Variants in DNAH14 observed in about 807,000 individuals in gnomAD.
DNAH14 encodes the protein axonemal beta dynein heavy chain 14.
In DNAH14, 478 loss-of-function variants were observed where a neutral mutation model predicts 520.9. The observed-to-expected ratio is 0.92, with a 90% CI of 0.85 to 0.99. The LOEUF is 0.99. Among genes scored for constraint, DNAH14 ranks in the 50% least tolerant of loss-of-function variants. DNAH14 has a pLI of 0.00. For missense variants in DNAH14, 4,831 were observed against 5,234.5 expected, an observed-to-expected ratio of 0.92 and a Z score of 2.38; for synonymous variants, 1,581 against 1,757.2, an observed-to-expected ratio of 0.90 and a Z score of 2.51.
Position 225,377,348 on chromosome 1 carries a change from A to G in DNAH14, c.12628A>G (p.Arg4210Gly). ...EVLGIHPEAI[R>G]SCWETQGEKF... ...CTTAGGAATACACCCAGAGGCCATC[A>G]GGAGCTGCTGGGAGACCCAGGGCGA... The change falls in exon 79 of 86, where the codon AGG becomes GGG. Residue 4210 changes from arginine to glycine, a missense_variant. Arg to Gly is a moderately radical substitution (Grantham distance 125). Transcript: ENST00000682510. The G allele has an allele frequency of 6.4e-7, 1 of 1,551,080 alleles. No homozygotes were observed.
In DNAH14 at chr1:225,270,879, G is replaced by T. The variant is rs1184246152; in HGVS notation, c.7671+13G>T. 1 of 1,545,246 alleles carries T rather than the reference G, an allele frequency of 6.5e-7. No homozygotes were observed. Among genetic ancestry groups the T allele is most frequent in the African/African-American group, 1.4e-5 (1 of 72,860 alleles). On this transcript the variant is annotated intron_variant, in intron 50 of 85. Transcript: ENST00000682510. ...TACTATTTTCCAGGTAACACATCTA[G>T]TTCATTTTCTACTGAAAAAAATTAA... is the stretch of plus-strand genomic sequence containing the variant.
At chr1:225,254,954 CAAG>C (rs2092687070) in intron 44 of DNAH14, among the ~76,000 whole-genome samples, 1 of 152,074 alleles carries the variant, frequency 6.6e-6, no homozygotes, top group African/African-American at 2.4e-5. Flanking sequence ...TGTGTTTAGA[CAAG>C]ATCTTTTGGT....
intron 39 of DNAH14, among the ~76,000 whole-genome samples, chr1:225,204,504 C>T (rs2087278516): frequency 6.6e-6 from 1 of 151,790 alleles, no homozygotes; most frequent in African/African-American, 2.4e-5. Context: ...TTAAATAGTC[C>T]TTCAGTTTAT....
chr1:225,013,883 T>A (rs896010932), intron 10 of DNAH14, among the ~76,000 whole-genome samples: 2 of 152,162 alleles, frequency 1.3e-5, no homozygotes, highest in Non-Finnish European at 2.9e-5. Flanking sequence ...GATCTTAGCT[T>A]GCTGGGCTCC....
At chr1:225,116,044 T>G (rs1456901639) in intron 23 of DNAH14, among the ~76,000 whole-genome samples, 1 of 152,072 alleles carries the variant, frequency 6.6e-6, no homozygotes, top group Non-Finnish European at 1.5e-5. Context: ...AAGAGTTAGA[T>G]TAGAGAAGGA....
chr1:225,258,548 A>G (rs1048540947), intron 45 of DNAH14, among the ~76,000 whole-genome samples: 1 of 152,174 alleles, frequency 6.6e-6, no homozygotes, highest in Non-Finnish European at 1.5e-5. Flanking sequence ...TTTAATGCGT[A>G]TTTCAACCCA....
intron 17 of DNAH14, among the ~76,000 whole-genome samples, chr1:225,060,544 C>T (rs949518904): frequency 6.6e-6 from 1 of 152,100 alleles, no homozygotes; most frequent in Admixed American, 6.5e-5. Flanking sequence ...CAGCTTTGTT[C>T]GGTTGCTGGT....
At chr1:225,218,376 G>C (rs928577476) in intron 41 of DNAH14, among the ~76,000 whole-genome samples, 1 of 151,952 alleles carries the variant, frequency 6.6e-6, no homozygotes, top group Admixed American at 6.6e-5. Context: ...TGGATAAAGA[G>C]TCAAGACCCA....
intron 15 of DNAH14, among the ~76,000 whole-genome samples, chr1:225,048,568 T>G (rs903482311): frequency 3.3e-5 from 5 of 152,230 alleles, no homozygotes; most frequent in African/African-American, 1.2e-4. Flanking sequence ...TTTAAATTGC[T>G]ATGCTGTATT....
At chr1:225,335,404 T>TGTGTGTATGCACATATACACGTGTGTAC (rs2094941003) in intron 66 of DNAH14, among the ~76,000 whole-genome samples, 1 of 62,816 alleles carries the variant, frequency 1.6e-5, no homozygotes, top group African/African-American at 7.5e-5. Flanking sequence ...CATGTGTACA[T>TGTGTGTATGCACATATACACGTGTGTAC]GTGTGTGTAT....
intron 52 of DNAH14, among the ~76,000 whole-genome samples, chr1:225,274,207 T>A (rs1459764555): frequency 8.3e-6 from 1 of 120,090 alleles, no homozygotes; most frequent in African/African-American, 4.1e-5. Context: ...ATTTTTTTTT[T>A]TTTTTTTTTT....
intron 43 of DNAH14, among the ~76,000 whole-genome samples, chr1:225,245,802 A>C (rs991913806): frequency 6.6e-6 from 1 of 152,146 alleles, no homozygotes. Flanking sequence ...TACTGCTCCA[A>C]GTAATTTATA....
chr1:224,971,382 A>G (rs2061493949), intron 7 of DNAH14, among the ~76,000 whole-genome samples: 1 of 152,140 alleles, frequency 6.6e-6, no homozygotes, highest in Non-Finnish European at 1.5e-5. Context: ...GTAAGAGAAG[A>G]AGGATTTTGT....
intron 83 of DNAH14, among the ~76,000 whole-genome samples, chr1:225,390,570 A>G (rs1209221489): frequency 6.6e-6 from 1 of 152,188 alleles, no homozygotes; most frequent in Non-Finnish European, 1.5e-5. Flanking sequence ...ATGGATCAGT[A>G]CTTGTGGAGC....
rs1193834939 is a variant in DNAH14, at chr1:225,274,194, G to GTT, written c.8010+1070_8010+1071dup. 1.3e-3 allele frequency among the ~76,000 whole-genome samples: 156 copies of GTT among 120,302 alleles called. 19 individuals are homozygous for GTT. The highest frequency in any genetic ancestry group is 5.0e-3 in the African/African-American group (146 of 29,416). 78.9% of individuals were successfully genotyped at this position (120,302 alleles called of 152,430 possible). On this transcript the variant is annotated intron_variant, in intron 52 of 85. Transcript: ENST00000682510. Reference sequence around the variant, plus strand: ...TTTCTCTGCATCCTCACCAGCATCTGTTATTTTTTTTTTTTTTTTTTTTTT... The same window carrying GTT: ...TTTCTCTGCATCCTCACCAGCATCTGTTTTATTTTTTTTTTTTTTTTTTTTTT...
chr1:224,995,714 G>C (rs562526351), intron 8 of DNAH14, among the ~76,000 whole-genome samples: 25 of 151,842 alleles, frequency 1.6e-4, no homozygotes, highest in Admixed American at 1.5e-3. Flanking sequence ...ATTCATGTAG[G>C]CTTTTTTTAT....
At chr1:225,243,060 G>A (rs1043883135) in intron 43 of DNAH14, among the ~76,000 whole-genome samples, 1 of 152,148 alleles carries the variant, frequency 6.6e-6, no homozygotes, top group African/African-American at 2.4e-5. Flanking sequence ...TAATCCAAAA[G>A]CATTGCGTGT....
chr1:225,337,917 C>G, intron 67 of DNAH14, 144 bp from the exon 68 acceptor site: 1 of 736,366 alleles, frequency 1.4e-6, no homozygotes, highest in Admixed American at 3.4e-5. Flanking sequence ...TTATGATTGA[C>G]TATAGTCACC....
intron 35 of DNAH14, among the ~76,000 whole-genome samples, chr1:225,166,101 T>C (rs1363682751): frequency 6.6e-6 from 1 of 152,178 alleles, no homozygotes; most frequent in Non-Finnish European, 1.5e-5. Context: ...TAAGTATTCT[T>C]GCATCTCTCT....
Sources: allele counts gnomAD v4.1 joint callset (sites outside exome capture counted in the v4.1 genomes callset), GRCh38; gene constraint gnomAD v4.1.1; transcripts MANE v1.5; gene names NCBI Gene and HGNC (gene_info 2026-07-23, HGNC 2026-07-21).